Variants in SPATA17 observed in about 807,000 individuals in gnomAD.
SPATA17 encodes the protein spermatogenesis associated 17, also known as spermatogenesis-associated protein 17.
A neutral mutation model predicts 62.2 loss-of-function variants in SPATA17; 53 were observed. The ratio of observed to expected loss-of-function variants is 0.85; its 90% CI spans 0.68 to 1.07. SPATA17 has a LOEUF of 1.07. SPATA17 is among the 50% of genes least tolerant of loss of function. The pLI is 0.00. For synonymous variants in SPATA17, 146 were observed against 146.8 expected, an observed-to-expected ratio of 0.99 and a Z score of 0.04; for missense variants, 466 against 425.5, an observed-to-expected ratio of 1.10 and a Z score of -0.84.
At chr1:217,722,276 T>TG (rs2102935047) in intron 5 of SPATA17, among the ~76,000 whole-genome samples, 1 of 152,250 alleles carries the variant, frequency 6.6e-6, no homozygotes, top group African/African-American at 2.4e-5. Context: ...GCAATGGTTT[T>TG]GGAAAAAAGA....
At chr1:217,756,203 A>C (rs1289090947) in intron 6 of SPATA17, among the ~76,000 whole-genome samples, 1 of 152,166 alleles carries the variant, frequency 6.6e-6, no homozygotes, top group Non-Finnish European at 1.5e-5. Flanking sequence ...TTTTATTTTA[A>C]TTCCAATTAT....
At chr1:217,746,851 A>T (rs1284674387) in intron 6 of SPATA17, among the ~76,000 whole-genome samples, 4 of 152,054 alleles carry the variant, frequency 2.6e-5, no homozygotes, top group Non-Finnish European at 5.9e-5. Context: ...AAGTCATATT[A>T]AAACACCTTT....
chr1:217,675,389 A>G (rs1670923730), intron 4 of SPATA17, among the ~76,000 whole-genome samples: 2 of 152,274 alleles, frequency 1.3e-5, no homozygotes, highest in South Asian at 4.1e-4. Context: ...GTCCACTTCA[A>G]CTTTGTTTTA....
chr1:217,798,059 A>G (rs958780929), intron 8 of SPATA17, among the ~76,000 whole-genome samples: 1 of 152,180 alleles, frequency 6.6e-6, no homozygotes, highest in African/African-American at 2.4e-5. Flanking sequence ...GAAGCTTGTG[A>G]TCTTTTGAGA....
intron 1 of SPATA17, among the ~76,000 whole-genome samples, chr1:217,647,123 G>C (rs538373813): frequency 2.6e-5 from 4 of 152,336 alleles, no homozygotes; most frequent in Non-Finnish European, 5.9e-5. Context: ...TGAAATATTA[G>C]AAACAGTGCC....
chr1:217,682,886 A>T (rs1282407114), intron 4 of SPATA17, among the ~76,000 whole-genome samples: 1 of 152,148 alleles, frequency 6.6e-6, no homozygotes, highest in Non-Finnish European at 1.5e-5. Context: ...GTATATTTCA[A>T]TGAGACCAAA....
At position 217,829,743 on chromosome 1, in the gene SPATA17, G is replaced by A. The variant is rs150299530; in HGVS notation, c.1005+27893G>A. Among the ~76,000 whole-genome samples, 23 of 151,382 alleles carry A rather than the reference G, an allele frequency of 1.5e-4. No individual in the cohort carries two copies. The East Asian group carries it at 4.5e-3, about 29-fold the overall frequency. ...AGCATGAAAGAAAATGATTAACATG[G>A]GCATGGGGAGGGGATTGGGGTGGCG... On this transcript the variant is annotated intron_variant, in intron 9 of 10. Transcript: ENST00000366933.
chr1:217,690,318 C>T (rs1289002475), intron 5 of SPATA17, among the ~76,000 whole-genome samples: 1 of 152,038 alleles, frequency 6.6e-6, no homozygotes, highest in African/African-American at 2.4e-5. Flanking sequence ...TATTTTTAAA[C>T]TTTACTCTGG....
At chr1:217,675,018 G>A (rs1423432449) in intron 4 of SPATA17, among the ~76,000 whole-genome samples, 1 of 152,144 alleles carries the variant, frequency 6.6e-6, no homozygotes, top group African/African-American at 2.4e-5. Flanking sequence ...TCTGGGTCAC[G>A]GATTTTATCT....
At chr1:217,754,887 C>G (rs1319727254) in intron 6 of SPATA17, among the ~76,000 whole-genome samples, 1 of 151,976 alleles carries the variant, frequency 6.6e-6, no homozygotes, top group Non-Finnish European at 1.5e-5. Flanking sequence ...ATTATACTCC[C>G]AAATGTTTTC....
chr1:217,684,847 T>G (rs747633800), intron 5 of SPATA17, among the ~76,000 whole-genome samples: 6 of 152,308 alleles, frequency 3.9e-5, no homozygotes, highest in Non-Finnish European at 5.9e-5. Context: ...TCCCAACTAC[T>G]AACTTTCTCA....
At chr1:217,864,308 A>G (rs1441228229) in intron 10 of SPATA17, among the ~76,000 whole-genome samples, 1 of 152,160 alleles carries the variant, frequency 6.6e-6, no homozygotes, top group Non-Finnish European at 1.5e-5. Context: ...AATAACTTGA[A>G]CACTCATTAA....
Position 217,862,758 on chromosome 1 carries a change from A to G in SPATA17, c.1006-16A>G. 1 of 1,568,120 alleles carries G rather than the reference A, an allele frequency of 6.4e-7. No individual in the cohort carries two copies. The highest frequency in any genetic ancestry group is 2.2e-5 in the East Asian group (1 of 44,486). Reference sequence around the variant, plus strand: ...ATGAAGATCTCTGTGGTAATCTTTGAACTTTTTCCTCCTAGGATTTCCAGA... The same window carrying G: ...ATGAAGATCTCTGTGGTAATCTTTGGACTTTTTCCTCCTAGGATTTCCAGA... On this transcript the variant is annotated splice_polypyrimidine_tract_variant and intron_variant, in intron 9 of 10. Coordinates refer to ENST00000366933, the MANE Select transcript of SPATA17 (RefSeq NM_138796.4).
intron 6 of SPATA17, among the ~76,000 whole-genome samples, chr1:217,746,712 G>T (rs1202183424): frequency 6.6e-5 from 10 of 151,886 alleles, no homozygotes; most frequent in East Asian, 1.9e-4. Flanking sequence ...ACTAATTTTT[G>T]ATGGTATTAA....
chr1:217,770,391 G>A (rs941403030), intron 6 of SPATA17, among the ~76,000 whole-genome samples: 2 of 151,986 alleles, frequency 1.3e-5, no homozygotes, highest in Admixed American at 6.6e-5. Context: ...CTTCATACCC[G>A]GAATAAACAG....
chr1:217,870,546 T>C lies in SPATA17; in HGVS notation c.*3527T>C, dbSNP rs980805331. Reference sequence around the variant, plus strand: ...AAAACTACTAGACTACATCAACTTATATACTACTTCTTTTCTATATTCTCA... The same window carrying C: ...AAAACTACTAGACTACATCAACTTACATACTACTTCTTTTCTATATTCTCA... On this transcript the variant is annotated 3_prime_UTR_variant, in exon 11 of 11. Transcript: ENST00000366933. 6.6e-6 allele frequency: 1 copy of C among 152,198 alleles called. No homozygotes were observed. The highest frequency in any genetic ancestry group is 2.4e-5 in the African/African-American group (1 of 41,450). 9.4% of individuals were successfully genotyped at this position (152,198 alleles called of 1,614,324 possible).
At chr1:217,770,345 T>G (rs1673409646) in intron 6 of SPATA17, among the ~76,000 whole-genome samples, 1 of 152,192 alleles carries the variant, frequency 6.6e-6, no homozygotes, top group Admixed American at 6.5e-5. Context: ...AAAGTAAAAC[T>G]TGAATTCTTC....
In SPATA17 at chr1:217,631,353, A is replaced by G. The variant is rs747419820; in HGVS notation, c.-26A>G. ...TACCATGGAGACCGGTAGTAACACC[A>G]GTTGTAAACCCAAGGCCAAGAGACC... On this transcript the variant is annotated 5_prime_UTR_variant, in exon 1 of 11. Transcript: ENST00000366933. The G allele has an allele frequency of 3.1e-6, 5 of 1,613,910 alleles. No homozygotes were observed. The South Asian group carries it at 3.3e-5, about 11-fold the overall frequency.
At chr1:217,696,482 T>C (rs1277489316) in intron 5 of SPATA17, among the ~76,000 whole-genome samples, 3 of 152,224 alleles carry the variant, frequency 2.0e-5, no homozygotes, top group Non-Finnish European at 4.4e-5. Flanking sequence ...CTGGGAGCTG[T>C]AGACCAGAGC....
Sources: gnomAD v4.1 joint callset for allele counts (sites outside exome capture counted in the v4.1 genomes callset) on GRCh38, gnomAD v4.1.1 for gene constraint, MANE v1.5 for transcripts, NCBI Gene and HGNC (gene_info 2026-07-23, HGNC 2026-07-21) for gene names.